PLEKHA5: variants seen among roughly 807,000 people sequenced by gnomAD.
PLEKHA5 encodes pleckstrin homology domain-containing family A member 5.
In PLEKHA5, 55 loss-of-function variants were observed where a neutral mutation model predicts 181.9. That is an observed-to-expected ratio of 0.30 (90% CI 0.24 to 0.38). The LOEUF (loss-of-function observed/expected upper bound fraction) is 0.38. PLEKHA5 is among the 10% of genes least tolerant of loss of function. The pLI is 1.00. For synonymous variants in PLEKHA5, 535 were observed against 529.4 expected, an observed-to-expected ratio of 1.01 and a Z score of -0.15; for missense variants, 1,432 against 1,549.5, an observed-to-expected ratio of 0.92 and a Z score of 1.27.
intron 28 of PLEKHA5, among the ~76,000 whole-genome samples, chr12:19,360,237 G>A (rs1476882700): frequency 6.6e-6 from 1 of 151,936 alleles, no homozygotes; most frequent in Non-Finnish European, 1.5e-5. Flanking sequence ...GGAAGCTGAG[G>A]TGGGAGGATC....
At chr12:19,353,862 T>A (rs2094750502) in intron 25 of PLEKHA5, 22 bp from the exon 26 acceptor site, 2 of 1,045,640 alleles carry the variant, frequency 1.9e-6, no homozygotes, top group Non-Finnish European at 3.0e-6. Context: ...TTTGTAAAAC[T>A]TACTGCTGTT....
chr12:19,177,187 T>A (rs1417715427), intron 3 of PLEKHA5, among the ~76,000 whole-genome samples: 1 of 152,142 alleles, frequency 6.6e-6, no homozygotes, highest in Non-Finnish European at 1.5e-5. Flanking sequence ...CTTTTGTTTT[T>A]GTGGTAAGAA....
At chr12:19,335,937 T>G (rs2093393044) in intron 20 of PLEKHA5, among the ~76,000 whole-genome samples, 1 of 152,130 alleles carries the variant, frequency 6.6e-6, no homozygotes, top group African/African-American at 2.4e-5. Flanking sequence ...TGGCAGATGA[T>G]GTATTTTTAA....
chr12:19,207,218 A>G lies in PLEKHA5; in HGVS notation c.228-46722A>G, dbSNP rs1317036533. 4 of 152,100 alleles carry G rather than the reference A, an allele frequency of 2.6e-5. No homozygotes were observed. The East Asian group carries it at 7.7e-4, about 29-fold the overall frequency. 9.4% of individuals were successfully genotyped at this position (152,100 alleles called of 1,614,324 possible). On this transcript the variant is annotated intron_variant, in intron 3 of 31. Coordinates refer to ENST00000429027, the MANE Select transcript of PLEKHA5 (RefSeq NM_001256470.2). Reference sequence around the variant, plus strand: ...TGATGATCACAAAATTTTCATGGCAAGATTGTATTATTATACTATTTTATA... The same window carrying G: ...TGATGATCACAAAATTTTCATGGCAGGATTGTATTATTATACTATTTTATA...
chr12:19,290,940 C>CTGT, intron 14 of PLEKHA5, 144 bp downstream of exon 14: 1 of 710,834 alleles, frequency 1.4e-6, no homozygotes, highest in Non-Finnish European at 2.1e-6. Flanking sequence ...TCCTATTAAC[C>CTGT]CTTTGAGAAT....
chr12:19,283,228 T>C, intron 11 of PLEKHA5, 52 bp from the exon 12 acceptor site: 1 of 1,094,142 alleles, frequency 9.1e-7, no homozygotes, highest in South Asian at 1.6e-5. Flanking sequence ...AATTTAGAAT[T>C]TGGAAAATAA....
At chr12:19,321,878 A>T (rs2090966734) in intron 18 of PLEKHA5, among the ~76,000 whole-genome samples, 1 of 152,128 alleles carries the variant, frequency 6.6e-6, no homozygotes, top group South Asian at 2.1e-4. Flanking sequence ...GGTTTATTGT[A>T]CTATTGAAAT....
rs1025617571 is a variant in PLEKHA5, at chr12:19,343,324, C to T, written c.2552C>T (p.Thr851Met). 24 of 1,602,778 alleles carry T rather than the reference C, an allele frequency of 1.5e-5. No homozygotes were observed. Among genetic ancestry groups the T allele is most frequent in the South Asian group, 3.3e-5 (3 of 90,432 alleles). The change falls in exon 22 of 32, where the codon ACG (threonine) becomes ATG (methionine). Residue 851 changes from threonine (T) to methionine (M), a missense_variant and splice_region_variant. By Grantham distance (81) the Thr-to-Met change is moderately conservative. Around this residue, in one of 2 missense-constraint regions of PLEKHA5, gnomAD observed 1,143 missense variants for 1,168.4 expected, o/e 0.98. Coordinates refer to ENST00000429027, the MANE Select transcript of PLEKHA5 (RefSeq NM_001256470.2). The stretch of plus-strand genomic sequence containing the variant: ...TGGTCTATCCATTTTTACTGATAGA[C>T]GGAATCAGCAGGAATTCAGCGTGCA... ...EQLDHLGEVQ[T>M]ESAGIQRAQI...
At chr12:19,266,723 G>A (rs1173770149) in intron 8 of PLEKHA5, among the ~76,000 whole-genome samples, 1 of 152,076 alleles carries the variant, frequency 6.6e-6, no homozygotes, top group Non-Finnish European at 1.5e-5. Flanking sequence ...GGCAGAGGTT[G>A]CAGTGAGCCA....
At chr12:19,224,201 A>G (rs1019414693) in intron 3 of PLEKHA5, among the ~76,000 whole-genome samples, 4 of 152,228 alleles carry the variant, frequency 2.6e-5, no homozygotes, top group Non-Finnish European at 5.9e-5. Flanking sequence ...TTAGAAAACT[A>G]TAGCTATTTT....
At chr12:19,163,199 T>A (rs1466579325) in intron 3 of PLEKHA5, among the ~76,000 whole-genome samples, 1 of 151,218 alleles carries the variant, frequency 6.6e-6, no homozygotes, top group Non-Finnish European at 1.5e-5. Flanking sequence ...TTTTTTGAGA[T>A]GGAGTCTCAC....
intron 12 of PLEKHA5, among the ~76,000 whole-genome samples, chr12:19,286,480 C>A (rs910809575): frequency 6.6e-6 from 1 of 152,088 alleles, no homozygotes; most frequent in Non-Finnish European, 1.5e-5. Flanking sequence ...GGTAGATTTT[C>A]TTCACATACT....
intron 8 of PLEKHA5, among the ~76,000 whole-genome samples, chr12:19,268,594 A>G (rs964504760): frequency 2.0e-5 from 3 of 152,196 alleles, no homozygotes; most frequent in Non-Finnish European, 2.9e-5. Flanking sequence ...TAGAAACTTT[A>G]TAGACAATTA....
chr12:19,299,060 A>G (rs770082142), intron 15 of PLEKHA5, among the ~76,000 whole-genome samples: 3 of 152,222 alleles, frequency 2.0e-5, no homozygotes, highest in Non-Finnish European at 2.9e-5. Flanking sequence ...AGGTATGACA[A>G]GCCTCCTTGG....
At chr12:19,229,747 C>T (rs1194257119) in intron 3 of PLEKHA5, among the ~76,000 whole-genome samples, 4 of 152,188 alleles carry the variant, frequency 2.6e-5, no homozygotes, top group African/African-American at 9.6e-5. Context: ...CCTTATCTGG[C>T]CCCACCCACA....
intron 3 of PLEKHA5, chr12:19,154,138 A>G (rs952986576): frequency 1.3e-5 from 2 of 152,198 alleles, no homozygotes; most frequent in African/African-American, 4.8e-5. Context: ...CACCTCCGGT[A>G]GTACTTGTGC....
At chr12:19,276,058 G>A (rs1320715763) in intron 11 of PLEKHA5, among the ~76,000 whole-genome samples, 1 of 152,152 alleles carries the variant, frequency 6.6e-6, no homozygotes, top group East Asian at 1.9e-4. Flanking sequence ...GAAAACCTTT[G>A]TAGAGGAAGC....
intron 3 of PLEKHA5, among the ~76,000 whole-genome samples, chr12:19,154,990 G>T (rs1469874334): frequency 6.6e-6 from 1 of 152,158 alleles, no homozygotes; most frequent in South Asian, 2.1e-4. Flanking sequence ...CACTGGTGGG[G>T]CTCAGGCATC....
chr12:19,301,098 C>T (rs1426755695), intron 15 of PLEKHA5, among the ~76,000 whole-genome samples: 3 of 151,886 alleles, frequency 2.0e-5, no homozygotes, highest in South Asian at 2.1e-4. Flanking sequence ...CATGGTGAGC[C>T]GAGATCGCGC....
Sources: allele counts gnomAD v4.1 joint callset (sites outside exome capture counted in the v4.1 genomes callset), GRCh38; gene constraint gnomAD v4.1.1; regional missense constraint gnomAD v4.1.1; transcripts MANE v1.5; gene names NCBI Gene and HGNC (gene_info 2026-07-23, HGNC 2026-07-21).